The following ARHGAP44 variants were observed in gnomAD, a reference collection of about 807,000 sequenced individuals.
ARHGAP44 encodes Rho GTPase activating protein 44.
In ARHGAP44, 43 loss-of-function variants were observed where a neutral mutation model predicts 106.8. The ratio of observed to expected loss-of-function variants is 0.40; its 90% CI spans 0.32 to 0.52. The LOEUF (loss-of-function observed/expected upper bound fraction) is 0.52, where lower values mean the gene tolerates loss of function less well. Ranked by LOEUF, ARHGAP44 falls within the 20% of genes least tolerant of loss-of-function variation. The probability of loss-of-function intolerance (pLI) is 0.48; values close to 1 mark genes in which losing one functional copy is unlikely to be tolerated. For missense variants in ARHGAP44, 866 were observed against 1,050.5 expected, an observed-to-expected ratio of 0.82 and a Z score of 2.43; for synonymous variants, 439 against 410.3, an observed-to-expected ratio of 1.07 and a Z score of -0.85.
chr17:12,924,130 A>G (rs2038166551), intron 6 of ARHGAP44, among the ~76,000 whole-genome samples: 1 of 152,270 alleles, frequency 6.6e-6, no homozygotes, highest in African/African-American at 2.4e-5. Flanking sequence ...ATATATTATC[A>G]GCACATCTTG....
intron 1 of ARHGAP44, among the ~76,000 whole-genome samples, chr17:12,854,926 C>G (rs1025868405): frequency 6.8e-6 from 1 of 147,298 alleles, no homozygotes; most frequent in Non-Finnish European, 1.5e-5. Flanking sequence ...CCATTGTACT[C>G]CAGCCTGGGC....
intron 7 of ARHGAP44, chr17:12,929,333 C>T: frequency 3.9e-6 from 1 of 258,996 alleles, no homozygotes; most frequent in East Asian, 7.7e-5. Context: ...TGTAAATCAT[C>T]TGAGTCCCAA....
chr17:12,956,766 T>C lies in ARHGAP44; in HGVS notation c.1342+20T>C, dbSNP rs369833545. The stretch of plus-strand genomic sequence containing the variant: ...CTGGGGGTAGGTGACAGCACCTAGG[T>C]GTGGGGGCAAGAGGCAGGGAACAGG... On this transcript the variant is annotated intron_variant, in intron 15 of 20. Coordinates refer to ENST00000379672, the MANE Select transcript of ARHGAP44 (RefSeq NM_014859.6). The C allele has an allele frequency of 2.3e-5, 37 of 1,605,316 alleles. No individual in the cohort carries two copies. In the African/African-American group the frequency reaches 4.6e-4, roughly 20 times the overall value.
At chr17:12,911,941 A>AG (rs549287084) in intron 4 of ARHGAP44, among the ~76,000 whole-genome samples, 121 of 152,334 alleles carry the variant, frequency 7.9e-4, no homozygotes, top group African/African-American at 2.7e-3. Flanking sequence ...AGGATGTTGG[A>AG]GGGGGTCAGT....
At position 12,897,640 on chromosome 17, in the gene ARHGAP44, C is replaced by T. The variant is rs935089317; in HGVS notation, c.198+1129C>T. On this transcript the variant is annotated intron_variant, in intron 3 of 20. Coordinates refer to ENST00000379672, the MANE Select transcript of ARHGAP44 (RefSeq NM_014859.6). ...GCATGAAACCCTTTTATCAAACCCA[C>T]ATCTAATGGGGGACTCCAGGAACGG... Among the ~76,000 whole-genome samples the T allele has an allele frequency of 1.4e-4, 21 of 150,880 alleles. 1 individual carries two copies. Among genetic ancestry groups the T allele is most frequent in the African/African-American group, 3.2e-4 (13 of 41,206 alleles).
At position 12,846,229 on chromosome 17, in the gene ARHGAP44, T is replaced by C. The variant is rs183517648; in HGVS notation, c.54-48711T>C. 2.2e-4 allele frequency among the ~76,000 whole-genome samples: 33 copies of C among 152,326 alleles called. No homozygotes were observed. The East Asian group carries it at 6.4e-3, about 29-fold the overall frequency. Reference sequence around the variant, plus strand: ...ATTTCTGTCAATAATTTATCAACTATTTTAAGTTGGAAAACAAATTCATAA... The same window carrying C: ...ATTTCTGTCAATAATTTATCAACTACTTTAAGTTGGAAAACAAATTCATAA... On this transcript the variant is annotated intron_variant, in intron 1 of 20. Coordinates refer to ENST00000379672, the MANE Select transcript of ARHGAP44 (RefSeq NM_014859.6).
chr17:12,845,697 A>AC (rs1360849875), intron 1 of ARHGAP44, among the ~76,000 whole-genome samples: 1 of 152,174 alleles, frequency 6.6e-6, no homozygotes, highest in Non-Finnish European at 1.5e-5. Flanking sequence ...GAGTTGTAGG[A>AC]CATTTATCCA....
intron 20 of ARHGAP44, among the ~76,000 whole-genome samples, 199 bp from the exon 21 acceptor site, chr17:12,989,833 A>G (rs1004490301): frequency 6.6e-6 from 1 of 152,046 alleles, no homozygotes; most frequent in Admixed American, 6.6e-5. Context: ...TGGTTCTACG[A>G]ACTTATGGGG....
At chr17:12,894,117 C>T (rs1459268019) in intron 1 of ARHGAP44, among the ~76,000 whole-genome samples, 4 of 152,070 alleles carry the variant, frequency 2.6e-5, no homozygotes, top group Admixed American at 2.6e-4. Context: ...TTGATCATTG[C>T]AATAGTCGAA....
At chr17:12,870,545 T>G (rs930602599) in intron 1 of ARHGAP44, among the ~76,000 whole-genome samples, 4 of 152,130 alleles carry the variant, frequency 2.6e-5, no homozygotes, top group African/African-American at 9.7e-5. Context: ...GTTTTCAAAA[T>G]CAGGTAGTGG....
chr17:12,964,497 C>T (rs995673596), intron 16 of ARHGAP44, among the ~76,000 whole-genome samples: 19 of 152,154 alleles, frequency 1.2e-4, no homozygotes, highest in African/African-American at 4.3e-4. Context: ...ATAGAAGCGA[C>T]AGGCTGGGCG....
intron 1 of ARHGAP44, among the ~76,000 whole-genome samples, chr17:12,871,628 T>G (rs960683144): frequency 1.3e-5 from 2 of 151,926 alleles, no homozygotes; most frequent in Non-Finnish European, 2.9e-5. Flanking sequence ...CATGATCCAG[T>G]CACCTCCCAC....
intron 18 of ARHGAP44, 136 bp from the exon 19 acceptor site, chr17:12,979,922 A>C: frequency 3.3e-6 from 3 of 908,758 alleles, no homozygotes; most frequent in Non-Finnish European, 4.8e-6. Flanking sequence ...GGTTTTAGGA[A>C]GGGGCCAAGA....
chr17:12,823,187 A>G (rs1398901450), intron 1 of ARHGAP44, among the ~76,000 whole-genome samples: 1 of 152,076 alleles, frequency 6.6e-6, no homozygotes, highest in Non-Finnish European at 1.5e-5. Flanking sequence ...GGTAACCATC[A>G]AACTCTCTTG....
At chr17:12,791,094 C>G (rs1327279448) in intron 1 of ARHGAP44, among the ~76,000 whole-genome samples, 1 of 152,188 alleles carries the variant, frequency 6.6e-6, no homozygotes, top group Non-Finnish European at 1.5e-5. Context: ...TCTGAGCATA[C>G]TGCCCTAGTT....
chr17:12,801,377 A>T (rs1401015099), intron 1 of ARHGAP44, among the ~76,000 whole-genome samples: 1 of 152,202 alleles, frequency 6.6e-6, no homozygotes, highest in East Asian at 1.9e-4. Flanking sequence ...TCTTAAGAGT[A>T]GGTTCTGGTG....
chr17:12,984,386 G>T (rs948071995), intron 19 of ARHGAP44, 145 bp from the exon 20 acceptor site: 43 of 769,438 alleles, frequency 5.6e-5, no homozygotes, highest in Non-Finnish European at 8.0e-5. Context: ...AAGAGGCCGG[G>T]GGGCAGGGCA....
chr17:12,868,584 A>G (rs567234299), intron 1 of ARHGAP44, among the ~76,000 whole-genome samples: 1,486 of 82,010 alleles, frequency 0.018, 48 homozygotes, highest in African/African-American at 0.061. Context: ...AGTCATATAT[A>G]TGCATTTTAT....
At chr17:12,914,534 C>T (rs1716956554) in intron 4 of ARHGAP44, among the ~76,000 whole-genome samples, 1 of 152,152 alleles carries the variant, frequency 6.6e-6, no homozygotes, top group South Asian at 2.1e-4. Flanking sequence ...AGCAAGGCTG[C>T]CTGTAGTCCC....
Sources: allele counts gnomAD v4.1 joint callset (sites outside exome capture counted in the v4.1 genomes callset), GRCh38; gene constraint gnomAD v4.1.1; transcripts MANE v1.5; gene names NCBI Gene and HGNC (gene_info 2026-07-23, HGNC 2026-07-21).